The following ADAMTSL3 variants were observed in gnomAD, a reference collection of about 807,000 sequenced individuals.
ADAMTSL3 encodes ADAMTS-like protein 3.
Under a neutral mutation model 201.7 loss-of-function variants are expected in ADAMTSL3, and 128 were observed. That is an observed-to-expected ratio of 0.63 (90% confidence interval 0.55 to 0.73). ADAMTSL3 has a LOEUF of 0.73. Among genes scored for constraint, ADAMTSL3 ranks in the 30% least tolerant of loss-of-function variants. ADAMTSL3 has a pLI of 0.00. For missense variants in ADAMTSL3, 1,990 were observed against 2,119.6 expected, an observed-to-expected ratio of 0.94 and a Z score of 1.20; for synonymous variants, 738 against 748.4, an observed-to-expected ratio of 0.99 and a Z score of 0.23.
chr15:83,667,068 G>A (rs967437357), intron 2 of ADAMTSL3, among the ~76,000 whole-genome samples: 4 of 151,790 alleles, frequency 2.6e-5, no homozygotes, highest in African/African-American at 9.7e-5. Flanking sequence ...AGTCTAGGAG[G>A]CTCTTAATTT....
chr15:83,907,182 T>A (rs770936596), intron 15 of ADAMTSL3, among the ~76,000 whole-genome samples: 6 of 152,150 alleles, frequency 3.9e-5, no homozygotes, highest in East Asian at 1.9e-4. Flanking sequence ...CTGATAGTTC[T>A]GGTCTCCATT....
chr15:83,862,893 C>G (rs1461911264), intron 8 of ADAMTSL3: 1 of 152,066 alleles, frequency 6.6e-6, no homozygotes. Flanking sequence ...TGCAGAGACA[C>G]ACATAGGCTC....
intron 19 of ADAMTSL3, among the ~76,000 whole-genome samples, chr15:83,962,849 G>C (rs2066998984): frequency 6.6e-6 from 1 of 152,166 alleles, no homozygotes; most frequent in Admixed American, 6.5e-5. Context: ...TTAGACAGAG[G>C]GTGCAGCCCA....
At chr15:83,991,481 T>C (rs1015136711) in intron 23 of ADAMTSL3, among the ~76,000 whole-genome samples, 1 of 152,322 alleles carries the variant, frequency 6.6e-6, no homozygotes, top group South Asian at 2.1e-4. Context: ...AATGTTCATA[T>C]TGGCAAGACC....
chr15:84,001,744 C>T (rs1210292169), intron 23 of ADAMTSL3, among the ~76,000 whole-genome samples: 1 of 152,146 alleles, frequency 6.6e-6, no homozygotes, highest in African/African-American at 2.4e-5. Context: ...TGAGGACTGC[C>T]CCATGGTATG....
At chr15:83,671,087 A>G (rs1412079540) in intron 2 of ADAMTSL3, among the ~76,000 whole-genome samples, 1 of 152,160 alleles carries the variant, frequency 6.6e-6, no homozygotes, top group African/African-American at 2.4e-5. Flanking sequence ...CAAATATTTT[A>G]TTGAAAATTA....
chr15:83,988,394 AT>A (rs1182453512), intron 21 of ADAMTSL3, among the ~76,000 whole-genome samples: 1 of 152,230 alleles, frequency 6.6e-6, no homozygotes, highest in African/African-American at 2.4e-5. Context: ...AATGTGGCAG[AT>A]TAAGCATTGA....
rs148298313 is a variant in ADAMTSL3, at chr15:83,834,473, C to T, written c.601-3616C>T. 5.9e-3 allele frequency among the ~76,000 whole-genome samples: 904 copies of T among 151,946 alleles called. 7 individuals carry two copies. The highest frequency in any genetic ancestry group is 9.3e-3 in the Non-Finnish European group (634 of 67,978). ...GATTCTGATTTGCAGAGATTTCAAA[C>T]GGTTGATTTAAAAAAAAAATTGTTT... is the stretch of plus-strand genomic sequence containing the variant. On this transcript the variant is annotated intron_variant, in intron 6 of 29. Transcript: ENST00000286744.
chr15:83,729,261 A>G (rs2062227904), intron 3 of ADAMTSL3, among the ~76,000 whole-genome samples: 1 of 152,068 alleles, frequency 6.6e-6, no homozygotes, highest in East Asian at 1.9e-4. Context: ...TTGGTGTTCT[A>G]TAAGCTTCTT....
intron 16 of ADAMTSL3, among the ~76,000 whole-genome samples, chr15:83,918,769 T>C (rs932916390): frequency 2.0e-5 from 3 of 152,228 alleles, no homozygotes; most frequent in African/African-American, 7.2e-5. Context: ...GTGGGAGTTA[T>C]GTGACCAAAT....
chr15:83,673,643 T>C (rs1302903024), intron 2 of ADAMTSL3, among the ~76,000 whole-genome samples: 1 of 152,248 alleles, frequency 6.6e-6, no homozygotes, highest in Non-Finnish European at 1.5e-5. Context: ...AAGGGAAGTT[T>C]GTCCTTCAAA....
At chr15:83,835,485 A>C (rs2064250211) in intron 6 of ADAMTSL3, among the ~76,000 whole-genome samples, 2 of 152,168 alleles carry the variant, frequency 1.3e-5, no homozygotes, top group Non-Finnish European at 2.9e-5. Flanking sequence ...CAATTGCCTG[A>C]GATCTTGCAA....
At chr15:83,966,723 C>T (rs571532590) in intron 19 of ADAMTSL3, among the ~76,000 whole-genome samples, 2 of 150,474 alleles carry the variant, frequency 1.3e-5, no homozygotes, top group Non-Finnish European at 3.0e-5. Context: ...AGAAACACAA[C>T]AAAAAAAAAG....
intron 2 of ADAMTSL3, 152 bp from the exon 3 acceptor site, chr15:83,704,237 C>A: frequency 8.6e-7 from 1 of 1,166,876 alleles, no homozygotes; most frequent in Non-Finnish European, 1.2e-6. Context: ...TGGTGTGCCT[C>A]ACCCTGGTCT....
intron 12 of ADAMTSL3, among the ~76,000 whole-genome samples, 180 bp from the exon 13 acceptor site, chr15:83,892,504 T>C (rs148845940): frequency 3.4e-4 from 52 of 152,278 alleles, no homozygotes; most frequent in African/African-American, 1.2e-3. Context: ...CACTCCAGCC[T>C]GGGTGACAGA....
At chr15:83,760,464 T>C (rs2062790514) in intron 3 of ADAMTSL3, among the ~76,000 whole-genome samples, 1 of 152,166 alleles carries the variant, frequency 6.6e-6, no homozygotes, top group Non-Finnish European at 1.5e-5. Context: ...ATATATATTC[T>C]GAGATGGTTA....
intron 7 of ADAMTSL3, among the ~76,000 whole-genome samples, chr15:83,847,883 A>C (rs1001964436): frequency 2.6e-5 from 4 of 152,110 alleles, no homozygotes; most frequent in African/African-American, 9.7e-5. Context: ...CAGTTTACAA[A>C]ATGTTGTCAC....
chr15:84,005,837 G>C (rs185379335), intron 23 of ADAMTSL3, among the ~76,000 whole-genome samples: 2 of 152,146 alleles, frequency 1.3e-5, no homozygotes, highest in Non-Finnish European at 2.9e-5. Context: ...ATTGATTGGG[G>C]AACAGATTAT....
At chr15:84,037,557 C>T in intron 29 of ADAMTSL3, 143 bp from the exon 30 acceptor site, 1 of 873,850 alleles carries the variant, frequency 1.1e-6, no homozygotes, top group African/African-American at 1.7e-5. Flanking sequence ...TTCTGACTCT[C>T]ATGCAAAACA....
Sources: gnomAD v4.1 joint callset for allele counts (sites outside exome capture counted in the v4.1 genomes callset) on GRCh38, gnomAD v4.1.1 for gene constraint, MANE v1.5 for transcripts, NCBI Gene and HGNC (gene_info 2026-07-23, HGNC 2026-07-21) for gene names.